Variants in TSEN2 observed in about 807,000 individuals in gnomAD.
The protein encoded by TSEN2 is tRNA splicing endonuclease subunit 2, also known as tRNA-splicing endonuclease subunit Sen2.
Under a neutral mutation model 59.2 loss-of-function variants are expected in TSEN2, and 54 were observed. The observed-to-expected ratio is 0.91, with a 90% confidence interval of 0.73 to 1.14. The LOEUF (loss-of-function observed/expected upper bound fraction) is 1.14. Ranked by LOEUF, TSEN2 falls within the 50% of genes most tolerant of loss-of-function variation. TSEN2 has a pLI of 0.00. For synonymous variants in TSEN2, 195 were observed against 198.2 expected, an observed-to-expected ratio of 0.98 and a Z score of 0.14; for missense variants, 636 against 576.2, an observed-to-expected ratio of 1.10 and a Z score of -1.06.
chr3:12,491,765 T>C (rs114831653), intron 2 of TSEN2, among the ~76,000 whole-genome samples: 1,946 of 152,334 alleles, frequency 0.013, 47 homozygotes, highest in African/African-American at 0.044. Flanking sequence ...CTCCATATCA[T>C]GGGTTCCACT....
chr3:12,519,403 G>T (rs947689671), intron 8 of TSEN2, among the ~76,000 whole-genome samples: 4 of 152,192 alleles, frequency 2.6e-5, no homozygotes, highest in Non-Finnish European at 5.9e-5. Flanking sequence ...AGGAGTAGAA[G>T]CTTGCAACGC....
At chr3:12,516,789 TTC>T (rs2056171238) in intron 7 of TSEN2, 128 bp downstream of exon 7, 1 of 1,043,274 alleles carries the variant, frequency 9.6e-7, no homozygotes, top group Non-Finnish European at 1.4e-6. Flanking sequence ...AATTGAATTT[TTC>T]TCTAAAGTTT....
intron 1 of TSEN2, among the ~76,000 whole-genome samples, 160 bp from the exon 2 acceptor site, chr3:12,489,624 C>T (rs1484377242): frequency 2.0e-5 from 3 of 152,220 alleles, no homozygotes; most frequent in African/African-American, 7.2e-5. Flanking sequence ...ATTGCTCACA[C>T]AAACTGTTCT....
intron 1 of TSEN2, among the ~76,000 whole-genome samples, chr3:12,486,729 T>C (rs1338258416): frequency 6.6e-6 from 1 of 152,188 alleles, no homozygotes; most frequent in Non-Finnish European, 1.5e-5. Context: ...CATTTCCCAC[T>C]TTTCCCTGTC....
intron 6 of TSEN2, chr3:12,506,712 C>T (rs2054877732): frequency 2.0e-6 from 2 of 985,274 alleles, no homozygotes; most frequent in South Asian, 4.7e-5. Flanking sequence ...TGATAGTGCA[C>T]ACAGAAATGT....
chr3:12,520,566 G>C (rs1238285376), intron 8 of TSEN2, among the ~76,000 whole-genome samples: 1 of 152,192 alleles, frequency 6.6e-6, no homozygotes, highest in Non-Finnish European at 1.5e-5. Flanking sequence ...GAGGCGGGCA[G>C]ATCGCTTGAG....
At chr3:12,480,528 GTTTTTTTTTT>G (rs752340308), upstream of TSEN2, among the ~76,000 whole-genome samples, 138 of 91,752 alleles carry the variant, frequency 1.5e-3, 1 homozygote, top group Middle Eastern at 0.042. Flanking sequence ...TTGTTTCTTT[GTTTTTTTTTT>G]TTTTTTTTTT....
upstream of TSEN2, among the ~76,000 whole-genome samples, chr3:12,484,210 ATGTGACAT>A (rs2052346967): frequency 6.6e-6 from 1 of 152,218 alleles, no homozygotes; most frequent in South Asian, 2.1e-4. Flanking sequence ...CCACGTGACT[ATGTGACAT>A]TTGACGGGTA....
chr3:12,513,644 T>C (rs2125118150), intron 6 of TSEN2, among the ~76,000 whole-genome samples: 1 of 152,358 alleles, frequency 6.6e-6, no homozygotes, highest in East Asian at 1.9e-4. Context: ...GTCTTTGTGT[T>C]ACACTGTTCT....
intron 6 of TSEN2, among the ~76,000 whole-genome samples, chr3:12,509,524 G>A (rs941526141): frequency 6.6e-5 from 10 of 152,258 alleles, no homozygotes; most frequent in African/African-American, 2.2e-4. Flanking sequence ...TGAAGGTTAA[G>A]GAGCTTTAAC....
intron 6 of TSEN2, chr3:12,515,117 C>T (rs1477234845): frequency 6.6e-6 from 1 of 152,210 alleles, no homozygotes; most frequent in Non-Finnish European, 1.5e-5. Context: ...CCAGGATCCC[C>T]AGACCACCCT....
chr3:12,502,450 C>T (rs948091853), intron 4 of TSEN2, among the ~76,000 whole-genome samples: 2 of 151,986 alleles, frequency 1.3e-5, no homozygotes, highest in Non-Finnish European at 2.9e-5. Flanking sequence ...GCAGAAGAAT[C>T]GCTTGAACCC....
chr3:12,501,696 A>G (rs1338431881), intron 4 of TSEN2, among the ~76,000 whole-genome samples: 1 of 152,070 alleles, frequency 6.6e-6, no homozygotes, highest in African/African-American at 2.4e-5. Context: ...GTGCTGCCGC[A>G]TCGAGCACTG....
chr3:12,528,853 T>A (rs2057279085), intron 8 of TSEN2, 35 bp from the exon 9 acceptor site: 2 of 1,611,808 alleles, frequency 1.2e-6, no homozygotes, highest in South Asian at 1.1e-5. Flanking sequence ...TTATTTTGAG[T>A]GGTTATACTT....
At chr3:12,498,336 C>CTA (rs1227607654) in intron 4 of TSEN2, among the ~76,000 whole-genome samples, 3 of 152,318 alleles carry the variant, frequency 2.0e-5, no homozygotes, top group Admixed American at 6.5e-5. Context: ...AAGCGATAAA[C>CTA]TATTCACTAA....
At chr3:12,522,168 A>G (rs1221102064) in intron 8 of TSEN2, among the ~76,000 whole-genome samples, 2 of 152,190 alleles carry the variant, frequency 1.3e-5, no homozygotes, top group Admixed American at 6.5e-5. Flanking sequence ...TATTTTAATG[A>G]TCAAGTTATA....
intron 6 of TSEN2, among the ~76,000 whole-genome samples, chr3:12,510,335 G>A (rs947409427): frequency 9.8e-5 from 15 of 152,306 alleles, no homozygotes; most frequent in Non-Finnish European, 1.5e-4. Context: ...TTCAGCTGTG[G>A]CTCTGAGTTT....
chr3:12,499,665 G>A (rs942410379), intron 4 of TSEN2, among the ~76,000 whole-genome samples: 3 of 152,170 alleles, frequency 2.0e-5, no homozygotes, highest in Non-Finnish European at 4.4e-5. Flanking sequence ...GCCAGAGCCT[G>A]GGAGACATTG....
chr3:12,506,943 C>A (rs936407551), intron 6 of TSEN2: 1 of 863,870 alleles, frequency 1.2e-6, no homozygotes, highest in African/African-American at 1.8e-5. Flanking sequence ...ACCTGTAATC[C>A]CAGCACTTTG....
Sources: gnomAD v4.1 joint callset for allele counts (sites outside exome capture counted in the v4.1 genomes callset) on GRCh38, gnomAD v4.1.1 for gene constraint, MANE v1.5 for transcripts, NCBI Gene and HGNC (gene_info 2026-07-23, HGNC 2026-07-21) for gene names.